ANK3: variants seen among roughly 807,000 people sequenced by gnomAD.
ANK3 encodes ankyrin 3.
ANK3 carries 57 observed loss-of-function variants against 370.9 expected under a neutral mutation model. The observed-to-expected ratio is 0.15, with a 90% CI of 0.12 to 0.19. ANK3 has a LOEUF of 0.19. ANK3 is among the 10% of genes least tolerant of loss of function. ANK3 has a pLI of 1.00. For synonymous variants in ANK3, 1,929 were observed against 1,946.3 expected (o/e 0.99, Z 0.23); for missense variants, 4,439 against 5,302.1 (o/e 0.84, Z 5.06).
chr10:60,037,395 C>G (rs2075247207), intron 43 of ANK3, among the ~76,000 whole-genome samples: 4 of 152,072 alleles, frequency 2.6e-5, no homozygotes, highest in South Asian at 2.1e-4. Context: ...CATTATTTTG[C>G]CACCCAGGTA....
rs776053106 is a variant in ANK3, at chr10:60,075,622, G to A, written c.5259C>T (p.Ser1753=). The A allele has an allele frequency of 4.3e-6, 7 of 1,614,088 alleles. No homozygotes were observed. In the South Asian group the frequency reaches 7.7e-5, roughly 18 times the overall value. Residue 1753 remains serine (S), a synonymous_variant, in exon 37 of 44, where the codon AGC becomes AGT. Coordinates refer to ENST00000280772, the MANE Select transcript of ANK3 (RefSeq NM_020987.5). ...TGTCAGTGGCTGCACTGACCACAGA[G>A]CTCACAGAGTTTGTAGCAGAAGAAA... ...EKISSATNSV[S]SVVSAATDTV...
intron 2 of ANK3, among the ~76,000 whole-genome samples, chr10:60,425,829 A>C (rs1012215109): frequency 2.0e-5 from 3 of 152,126 alleles, no homozygotes; most frequent in Admixed American, 6.6e-5. Context: ...TAAGAAGAGG[A>C]AGTAGAATGA....
chr10:60,669,174 T>TA (rs1469831637), intron 1 of ANK3, among the ~76,000 whole-genome samples: 19 of 152,284 alleles, frequency 1.2e-4, no homozygotes, highest in African/African-American at 4.6e-4. Context: ...GAACTGATTG[T>TA]ATTTATGAGC....
At chr10:60,612,017 C>A (rs10821801) in intron 2 of ANK3, among the ~76,000 whole-genome samples, 107,477 of 151,840 alleles carry the variant, frequency 0.71, 38,153 homozygotes, top group South Asian at 0.88. Context: ...CAATTTGTAC[C>A]CTATGAAGTG....
At chr10:60,463,498 C>T (rs1212152201) in intron 2 of ANK3, among the ~76,000 whole-genome samples, 1 of 152,104 alleles carries the variant, frequency 6.6e-6, no homozygotes, top group Non-Finnish European at 1.5e-5. Flanking sequence ...AATCACTCAA[C>T]TATTTACCAT....
chr10:60,124,050 A>T (rs955290748), intron 25 of ANK3, among the ~76,000 whole-genome samples: 4 of 152,252 alleles, frequency 2.6e-5, no homozygotes, highest in Non-Finnish European at 5.9e-5. Flanking sequence ...AATTGCCCTG[A>T]TTCACTGTGA....
intron 35 of ANK3, 31 bp downstream of exon 35, chr10:60,082,119 G>C: frequency 3.2e-6 from 5 of 1,575,330 alleles, no homozygotes; most frequent in Non-Finnish European, 4.3e-6. Flanking sequence ...TTCTACTTCT[G>C]ATAGAATAAA....
chr10:60,373,704 GTGGCA>G (rs983128690), intron 1 of ANK3, among the ~76,000 whole-genome samples: 1 of 152,194 alleles, frequency 6.6e-6, no homozygotes, highest in African/African-American at 2.4e-5. Context: ...TTAGAGACAG[GTGGCA>G]TGGAGGATCT....
intron 2 of ANK3, among the ~76,000 whole-genome samples, chr10:60,543,740 A>G (rs1318148677): frequency 6.6e-6 from 1 of 152,016 alleles, no homozygotes; most frequent in Non-Finnish European, 1.5e-5. Flanking sequence ...TCAATCATTC[A>G]TTTCCTGAGA....
rs1197977195 is a variant in ANK3 at position 60,562,185 on chromosome 10, TA to T, written c.96+53000del. The stretch of plus-strand genomic sequence containing the variant: ...TCATGGAATATATAACTTAAAAGAC[TA>T]GTGAGTTAGAAGTGAAAGATGAAAG... On this transcript the variant is annotated intron_variant, in intron 2 of 43. Transcript: ENST00000373827. Among the ~76,000 whole-genome samples the T allele has an allele frequency of 2.0e-5, 3 of 152,312 alleles. No individual in the cohort carries two copies. The South Asian group carries it at 6.2e-4, about 32-fold the overall frequency.
At chr10:60,323,303 T>C (rs1186240962) in intron 1 of ANK3, among the ~76,000 whole-genome samples, 1 of 152,130 alleles carries the variant, frequency 6.6e-6, no homozygotes, top group African/African-American at 2.4e-5. Flanking sequence ...CTCCCATCAG[T>C]CACTGGTTGA....
rs747811605 is a variant in ANK3 at position 60,172,328 on chromosome 10, C to T, written c.2458G>A (p.Glu820Lys). Reference protein sequence around the residue: ...SVVDTLKIVTEETMTTTTVTE... With the variant: ...SVVDTLKIVTKETMTTTTVTE... ...CTTACAGTTGTGGTCATGGTCTCTT[C>T]GGTCACTATCTTCAGGGTGTCCACT... is the stretch of plus-strand genomic sequence containing the variant. The change falls in exon 21 of 44, where the codon GAA becomes AAA. Residue 820 changes from glutamate to lysine, a missense_variant. By Grantham distance (56) the Glu-to-Lys change is moderately conservative (BLOSUM62 1). Around this residue, in one of 13 missense-constraint regions of ANK3, gnomAD observed 702 missense variants for 941.5 expected, o/e 0.75. Transcript: ENST00000280772. 13 of 1,613,726 alleles carry T rather than the reference C, an allele frequency of 8.1e-6. No homozygotes were observed. Among genetic ancestry groups the T allele is most frequent in the Admixed American group, 1.7e-5 (1 of 59,996 alleles).
intron 2 of ANK3, among the ~76,000 whole-genome samples, chr10:60,484,157 C>T (rs1006173138): frequency 9.2e-5 from 14 of 151,932 alleles, no homozygotes; most frequent in South Asian, 4.2e-4. Flanking sequence ...AGCCATTCAA[C>T]AGAGATCTAA....
At chr10:60,120,329 C>T (rs1210588883) in intron 25 of ANK3, among the ~76,000 whole-genome samples, 6 of 151,980 alleles carry the variant, frequency 3.9e-5, no homozygotes, top group Non-Finnish European at 7.4e-5. Flanking sequence ...GAATTAAAGA[C>T]TTAAATCTAA....
chr10:60,565,731 T>C (rs2133256651), intron 2 of ANK3, among the ~76,000 whole-genome samples: 1 of 152,324 alleles, frequency 6.6e-6, no homozygotes, highest in Admixed American at 6.5e-5. Context: ...CTCTGTCATC[T>C]GGGAAACACA....
At chr10:60,546,654 C>A (rs1425777667) in intron 2 of ANK3, among the ~76,000 whole-genome samples, 1 of 152,126 alleles carries the variant, frequency 6.6e-6, no homozygotes, top group Non-Finnish European at 1.5e-5. Context: ...GACATTGTGG[C>A]CCCTCCTACA....
At chr10:60,610,730 A>C (rs1253236691) in intron 2 of ANK3, among the ~76,000 whole-genome samples, 14 of 152,204 alleles carry the variant, frequency 9.2e-5, no homozygotes, top group Admixed American at 9.2e-4. Flanking sequence ...AATAAAATGG[A>C]TGATTCTTCC....
intron 8 of ANK3, 77 bp downstream of exon 8, chr10:60,234,611 T>A (rs1433246673): frequency 1.3e-6 from 1 of 792,492 alleles, no homozygotes; most frequent in African/African-American, 1.7e-5. Flanking sequence ...TCATGTTGTA[T>A]CAGTGCAAAG....
At chr10:60,558,535 C>T (rs750354624) in intron 2 of ANK3, among the ~76,000 whole-genome samples, 2 of 152,154 alleles carry the variant, frequency 1.3e-5, no homozygotes, top group Non-Finnish European at 2.9e-5. Flanking sequence ...GTGCATAGTT[C>T]TCTCTTATAT....
Sources: gnomAD v4.1 joint callset for allele counts (sites outside exome capture counted in the v4.1 genomes callset) on GRCh38, gnomAD v4.1.1 for gene constraint, gnomAD v4.1.1 regional missense constraint, MANE v1.5 for transcripts, NCBI Gene and HGNC (gene_info 2026-07-23, HGNC 2026-07-21) for gene names.